CHRM3: variants seen among roughly 807,000 people sequenced by gnomAD.
CHRM3 encodes cholinergic receptor muscarinic 3, also known as muscarinic acetylcholine receptor M3.
CHRM3 carries 11 observed loss-of-function variants against 41.8 expected under a neutral mutation model. The ratio of observed to expected loss-of-function variants is 0.26; its 90% CI spans 0.17 to 0.44. The LOEUF (loss-of-function observed/expected upper bound fraction) is 0.44. CHRM3 is among the 20% of genes least tolerant of loss of function. CHRM3 has a pLI of 1.00. For missense variants in CHRM3, 571 were observed against 745.4 expected, an observed-to-expected ratio of 0.77 and a Z score of 2.72; for synonymous variants, 297 against 301.4, an observed-to-expected ratio of 0.99 and a Z score of 0.15.
At chr1:239,475,434 T>C (rs1190651104) in intron 1 of CHRM3, among the ~76,000 whole-genome samples, 1 of 152,034 alleles carries the variant, frequency 6.6e-6, no homozygotes, top group Non-Finnish European at 1.5e-5. Flanking sequence ...TCAGACAAAT[T>C]CCAATCATGA....
chr1:239,554,748 T>A (rs1660198940), intron 3 of CHRM3, among the ~76,000 whole-genome samples: 1 of 149,124 alleles, frequency 6.7e-6, no homozygotes, highest in Non-Finnish European at 1.5e-5. Context: ...TTTTTTTTTT[T>A]AGATGGAGTC....
At chr1:239,680,074 A>G (rs995608716) in intron 5 of CHRM3, among the ~76,000 whole-genome samples, 1 of 152,040 alleles carries the variant, frequency 6.6e-6, no homozygotes, top group African/African-American at 2.4e-5. Flanking sequence ...CTCTTTGTGT[A>G]AAAACATCTC....
At chr1:239,874,049 G>A (rs1021265333) in intron 6 of CHRM3, among the ~76,000 whole-genome samples, 1 of 151,674 alleles carries the variant, frequency 6.6e-6, no homozygotes, top group Non-Finnish European at 1.5e-5. Context: ...AACCTGAAGA[G>A]TAGGGTTTAT....
chr1:239,696,905 C>A (rs1208848844), intron 5 of CHRM3, among the ~76,000 whole-genome samples: 1 of 152,110 alleles, frequency 6.6e-6, no homozygotes, highest in Non-Finnish European at 1.5e-5. Flanking sequence ...GGGAAAAAAA[C>A]TGTTCATTAA....
chr1:239,907,531 C>T lies in CHRM3; in HGVS notation c.80C>T (p.Ala27Val). 6.2e-7 allele frequency: 1 copy of T among 1,614,188 alleles called. No homozygotes were observed. The highest frequency in any genetic ancestry group is 1.1e-5 in the South Asian group (1 of 91,072). ...SSSWIHSPSD[A>V]GLPPGTVTHF... ...TCCTGGATACACAGCCCCTCCGATGCAGGGCTGCCCCCGGGAACCGTCACT... is the reference window on the plus strand; with the variant it reads ...TCCTGGATACACAGCCCCTCCGATGTAGGGCTGCCCCCGGGAACCGTCACT... Residue 27 changes from alanine to valine, a missense_variant, in exon 7 of 7, where the codon GCA becomes GTA. By Grantham distance (64) the Ala-to-Val change is moderately conservative. Transcript: ENST00000676153. The surrounding 1 kb of genome is among the most constrained non-coding windows in gnomAD (Gnocchi z 5.4).
intron 5 of CHRM3, among the ~76,000 whole-genome samples, chr1:239,742,379 G>T (rs946957915): frequency 2.9e-4 from 44 of 152,274 alleles, no homozygotes; most frequent in African/African-American, 9.6e-4. Context: ...CAGTCACTTG[G>T]AGGTTCAACC....
intron 2 of CHRM3, among the ~76,000 whole-genome samples, chr1:239,517,725 A>G (rs968044236): frequency 1.3e-5 from 2 of 152,128 alleles, no homozygotes; most frequent in African/African-American, 4.8e-5. Flanking sequence ...AGAAATGAGC[A>G]TTTTTTGAAA....
intron 3 of CHRM3, among the ~76,000 whole-genome samples, chr1:239,592,699 T>C (rs1664318452): frequency 6.6e-6 from 1 of 152,182 alleles, no homozygotes; most frequent in South Asian, 2.1e-4. Flanking sequence ...AAATACCACA[T>C]AATATACCAC....
intron 2 of CHRM3, among the ~76,000 whole-genome samples, chr1:239,494,719 C>T (rs1667771534): frequency 6.6e-6 from 1 of 152,056 alleles, no homozygotes; most frequent in African/African-American, 2.4e-5. Flanking sequence ...CCCTGATAGG[C>T]CCCAGTGTGT....
At chr1:239,399,733 C>T (rs1274779844) in intron 1 of CHRM3, among the ~76,000 whole-genome samples, 1 of 62,376 alleles carries the variant, frequency 1.6e-5, no homozygotes, top group Non-Finnish European at 3.6e-5. Context: ...CATTTTCTTT[C>T]TCCATTCTTC....
intron 5 of CHRM3, among the ~76,000 whole-genome samples, chr1:239,743,744 T>C (rs1665066961): frequency 6.6e-6 from 1 of 151,778 alleles, no homozygotes; most frequent in Non-Finnish European, 1.5e-5. Flanking sequence ...AGTTTCTCCT[T>C]GCCTCAGTGA....
At chr1:239,843,525 A>G (rs1674011476) in intron 6 of CHRM3, among the ~76,000 whole-genome samples, 1 of 137,228 alleles carries the variant, frequency 7.3e-6, no homozygotes, top group South Asian at 2.3e-4. Flanking sequence ...AGCTGGAGGC[A>G]TGGTTCAGCA....
intron 6 of CHRM3, among the ~76,000 whole-genome samples, chr1:239,874,320 T>G (rs1676925075): frequency 1.1e-5 from 1 of 87,342 alleles, no homozygotes. Context: ...TATATATATA[T>G]ATATATACAC....
chr1:239,894,321 G>A (rs1341736305), intron 6 of CHRM3, among the ~76,000 whole-genome samples: 1 of 152,232 alleles, frequency 6.6e-6, no homozygotes, highest in East Asian at 1.9e-4. Context: ...AATGGCACAG[G>A]CGCAAGTGGA....
intron 3 of CHRM3, among the ~76,000 whole-genome samples, chr1:239,611,515 G>A (rs1230260505): frequency 7.1e-6 from 1 of 141,758 alleles, no homozygotes; most frequent in East Asian, 2.3e-4. Context: ...CCAACTCCCT[G>A]GTTCAAGGGA....
At chr1:239,441,836 C>T (rs1306774369) in intron 1 of CHRM3, among the ~76,000 whole-genome samples, 1 of 152,174 alleles carries the variant, frequency 6.6e-6, no homozygotes. Context: ...TGTAAGAATC[C>T]ATACACTTCT....
chr1:239,516,084 A>T (rs1669248246), intron 2 of CHRM3, among the ~76,000 whole-genome samples: 1 of 152,152 alleles, frequency 6.6e-6, no homozygotes, highest in Non-Finnish European at 1.5e-5. Context: ...AGATTGCCAG[A>T]AAGCTGAGCT....
intron 4 of CHRM3, among the ~76,000 whole-genome samples, chr1:239,651,775 A>T (rs1268915069): frequency 1.3e-5 from 2 of 152,180 alleles, no homozygotes; most frequent in Non-Finnish European, 2.9e-5. Flanking sequence ...TCCTCTGCTT[A>T]GCAGCTCACT....
chr1:239,479,127 G>A (rs889951681), intron 1 of CHRM3, among the ~76,000 whole-genome samples: 1 of 150,188 alleles, frequency 6.7e-6, no homozygotes, highest in African/African-American at 2.4e-5. Context: ...GAAGTTGTAG[G>A]GAGCCAAGAT....
Sources: gnomAD v4.1 joint callset for allele counts (sites outside exome capture counted in the v4.1 genomes callset) on GRCh38, gnomAD v4.1.1 for gene constraint, Gnocchi (gnomAD v3.1) non-coding constraint, MANE v1.5 for transcripts, NCBI Gene and HGNC (gene_info 2026-07-23, HGNC 2026-07-21) for gene names.